SCTR: variants seen among roughly 807,000 people sequenced by gnomAD.
SCTR encodes secretin receptor.
A neutral mutation model predicts 60.8 loss-of-function variants in SCTR; 56 were observed. The ratio of observed to expected loss-of-function variants is 0.92; its 90% CI spans 0.74 to 1.15. The LOEUF is 1.15. SCTR is among the 50% of genes most tolerant of loss of function. The probability of loss-of-function intolerance (pLI) is 0.00; values close to 1 mark genes in which losing one functional copy is unlikely to be tolerated. For missense variants in SCTR, 562 were observed against 550.4 expected (o/e 1.02, Z -0.21); for synonymous variants, 202 against 217.0 (o/e 0.93, Z 0.61).
Position 119,452,031 on chromosome 2 carries a change from A to T in SCTR, c.900T>A (p.Gly300=). The T allele has an allele frequency of 5.0e-6, 8 of 1,607,644 alleles. No homozygotes were observed. Among genetic ancestry groups the T allele is most frequent in the Non-Finnish European group, 6.8e-6 (8 of 1,175,624 alleles). The part of the protein sequence containing the change: ...ANASIWWIIR[G]PVILSILINF... Reference sequence around the variant, plus strand: ...TCACCAGGATGGAGAGGATCACAGGACCACGAATGATCCACCAGATGGATG... The same window carrying T: ...TCACCAGGATGGAGAGGATCACAGGTCCACGAATGATCCACCAGATGGATG... Residue 300 remains glycine, a synonymous_variant, in exon 9 of 13, where the codon GGT becomes GGA. Transcript: ENST00000019103.
Position 119,473,502 on chromosome 2 carries a change from G to A in SCTR, c.356C>T (p.Pro119Leu). Residue 119 changes from proline to leucine, a missense_variant, in exon 4 of 13, where the codon CCT becomes CTT. Transcript: ENST00000019103. ...QDGWSETFPR[P>L]NLACGVNVND... is the part of the protein sequence containing the mutation. ...CACATTAACGCCACAGGCCAGATTA[G>A]GCCTGGGGAAGGTTTCTGACCAGCC... is the stretch of plus-strand genomic sequence containing the variant. 6.2e-7 allele frequency: 1 copy of A among 1,613,100 alleles called. No homozygotes were observed.
chr2:119,448,442 A>G (rs1055492537), intron 10 of SCTR, among the ~76,000 whole-genome samples: 1 of 152,138 alleles, frequency 6.6e-6, no homozygotes. Flanking sequence ...GCCTTGCCCC[A>G]AGGATAAGAT....
chr2:119,456,153 C>A (rs1204867616), intron 7 of SCTR, among the ~76,000 whole-genome samples: 4 of 151,282 alleles, frequency 2.6e-5, no homozygotes, highest in Non-Finnish European at 5.9e-5. Context: ...CTCCACCACC[C>A]GGGTTCAAGT....
chr2:119,516,044 G>C (rs552052988), intron 1 of SCTR, among the ~76,000 whole-genome samples: 4 of 152,310 alleles, frequency 2.6e-5, no homozygotes, highest in African/African-American at 9.6e-5. Flanking sequence ...CACCTGTTAG[G>C]GGGGCTAATG....
Position 119,440,080 on chromosome 2 carries a change from C to G in SCTR, c.*37G>C. 1 of 1,601,082 alleles carries G rather than the reference C, an allele frequency of 6.2e-7. No homozygotes were observed. The highest frequency in any genetic ancestry group is 8.5e-7 in the Non-Finnish European group (1 of 1,171,998). ...AGTGCCCAGCCTTCGCAGGACCTCT[C>G]TTGGTCTCTGTCCGTGGGTGACCCT... On this transcript the variant is annotated 3_prime_UTR_variant, in exon 13 of 13. Coordinates refer to ENST00000019103, the MANE Select transcript of SCTR (RefSeq NM_002980.3).
intron 7 of SCTR, among the ~76,000 whole-genome samples, chr2:119,460,318 C>G (rs1683551449): frequency 6.6e-6 from 1 of 152,054 alleles, no homozygotes; most frequent in Admixed American, 6.6e-5. Flanking sequence ...TCACAGGAAC[C>G]TGGCTCTCTG....
At chr2:119,478,141 G>T (rs1180875093) in intron 3 of SCTR, among the ~76,000 whole-genome samples, 1 of 152,180 alleles carries the variant, frequency 6.6e-6, no homozygotes, top group Admixed American at 6.5e-5. Flanking sequence ...AGGAAAGAGG[G>T]GCAGCTGCAC....
chr2:119,520,937 C>T (rs1679269220), intron 1 of SCTR, among the ~76,000 whole-genome samples: 1 of 152,148 alleles, frequency 6.6e-6, no homozygotes, highest in Non-Finnish European at 1.5e-5. Flanking sequence ...GCGATTTTGC[C>T]CTTCCTACCC....
chr2:119,487,989 CCT>C (rs1343448324), intron 2 of SCTR, among the ~76,000 whole-genome samples: 1 of 152,164 alleles, frequency 6.6e-6, no homozygotes, highest in Non-Finnish European at 1.5e-5. Context: ...GGCCATTTCT[CCT>C]CTTAGTCTTT....
chr2:119,515,667 T>G (rs1429261541), intron 1 of SCTR, among the ~76,000 whole-genome samples: 1 of 152,216 alleles, frequency 6.6e-6, no homozygotes, highest in Non-Finnish European at 1.5e-5. Flanking sequence ...ATTTTAGAAC[T>G]TGCACAAGTG....
chr2:119,480,627 A>G (rs1010771169), intron 2 of SCTR: 3 of 152,232 alleles, frequency 2.0e-5, no homozygotes, highest in Non-Finnish European at 2.9e-5. Flanking sequence ...TATTCATTTT[A>G]TATTTGTGTG....
chr2:119,448,250 T>G (rs1573793236), intron 10 of SCTR, among the ~76,000 whole-genome samples: 2 of 152,248 alleles, frequency 1.3e-5, no homozygotes, highest in East Asian at 3.8e-4. Flanking sequence ...TATTTTGTTA[T>G]GGAAGCCCTA....
At chr2:119,441,749 T>C (rs1682665146) in intron 11 of SCTR, 150 bp from the exon 12 acceptor site, 1 of 690,714 alleles carries the variant, frequency 1.4e-6, no homozygotes, top group African/African-American at 1.8e-5. Context: ...TTAGGCTACC[T>C]CTTGTGGGCT....
chr2:119,441,632 C>T, intron 11 of SCTR, 33 bp from the exon 12 acceptor site: 1 of 1,606,842 alleles, frequency 6.2e-7, no homozygotes, highest in Non-Finnish European at 8.5e-7. Context: ...AGGGTTAGCA[C>T]AGGTGCTCAG....
intron 10 of SCTR, 137 bp downstream of exon 10, chr2:119,448,552 A>G (rs1299493654): frequency 2.1e-5 from 13 of 630,910 alleles, no homozygotes; most frequent in Admixed American, 1.5e-4. Context: ...AACCGCCCCC[A>G]TGTACCTGGT....
At chr2:119,509,143 T>G (rs1406483547) in intron 1 of SCTR, among the ~76,000 whole-genome samples, 1 of 152,200 alleles carries the variant, frequency 6.6e-6, no homozygotes, top group Non-Finnish European at 1.5e-5. Flanking sequence ...AGGTTTGAAA[T>G]GCTTACCTGC....
At chr2:119,458,306 GAA>G (rs111894328) in intron 7 of SCTR, among the ~76,000 whole-genome samples, 5 of 84,820 alleles carry the variant, frequency 5.9e-5, no homozygotes, top group African/African-American at 1.4e-4. Context: ...ACCCTATCTT[GAA>G]AAAAAAAAAA....
chr2:119,447,090 A>G (rs568676047), intron 10 of SCTR, among the ~76,000 whole-genome samples: 1 of 152,232 alleles, frequency 6.6e-6, no homozygotes, highest in Non-Finnish European at 1.5e-5. Context: ...TTTTTGACTC[A>G]TGGCAAAGCC....
At chr2:119,446,418 C>T (rs926613101) in intron 11 of SCTR, among the ~76,000 whole-genome samples, 2 of 152,152 alleles carry the variant, frequency 1.3e-5, no homozygotes, top group South Asian at 2.1e-4. Context: ...CTCATCTTCC[C>T]GCCCCAGTGT....
Sources: allele counts gnomAD v4.1 joint callset (sites outside exome capture counted in the v4.1 genomes callset), GRCh38; gene constraint gnomAD v4.1.1; transcripts MANE v1.5; gene names NCBI Gene and HGNC (gene_info 2026-07-23, HGNC 2026-07-21).